Variants in TRPM2 observed in about 807,000 individuals in gnomAD.
TRPM2 encodes transient receptor potential cation channel subfamily M member 2, also known as estrogen-responsive element-associated gene 1 protein.
Under a neutral mutation model 174.0 loss-of-function variants are expected in TRPM2, and 161 were observed. The ratio of observed to expected loss-of-function variants is 0.93; its 90% CI spans 0.81 to 1.05. The LOEUF (loss-of-function observed/expected upper bound fraction) is 1.05, where lower values mean the gene tolerates loss of function less well. Among genes scored for constraint, TRPM2 ranks in the 50% least tolerant of loss-of-function variants. The pLI is 0.00. For missense variants in TRPM2, 2,057 were observed against 2,038.0 expected (o/e 1.01, Z -0.18); for synonymous variants, 954 against 861.3 (o/e 1.11, Z -1.88).
intron 31 of TRPM2, among the ~76,000 whole-genome samples, chr21:44,441,328 C>T (rs575298142): frequency 6.6e-6 from 1 of 152,294 alleles, no homozygotes; most frequent in Admixed American, 6.5e-5. Context: ...CTGGCAAGGC[C>T]CCCTCAGCCC....
chr21:44,387,595 A>G (rs555523777), intron 9 of TRPM2, among the ~76,000 whole-genome samples: 1 of 152,386 alleles, frequency 6.6e-6, no homozygotes, highest in African/African-American at 2.4e-5. Context: ...GATATTATCA[A>G]CAGAGTAAAA....
At chr21:44,413,815 G>C in intron 19 of TRPM2, 76 bp from the exon 20 acceptor site, 1 of 1,531,232 alleles carries the variant, frequency 6.5e-7, no homozygotes. Flanking sequence ...TGGAGGCCTC[G>C]AGGGCCCCCT....
Position 44,399,586 on chromosome 21 carries a change from C to A in TRPM2, c.2208+145C>A. 1 of 1,142,690 alleles carries A rather than the reference C, an allele frequency of 8.8e-7. No individual in the cohort carries two copies. Among genetic ancestry groups the A allele is most frequent in the Non-Finnish European group, 1.2e-6 (1 of 855,290 alleles). The allele number at this position is 1,142,690 out of a possible 1,614,324, so 70.8% of individuals were successfully genotyped here. On this transcript the variant is annotated intron_variant, in intron 14 of 31. Coordinates refer to ENST00000397928, the MANE Select transcript of TRPM2 (RefSeq NM_003307.4). This position sits in a 1 kb window ranked among gnomAD's most constrained non-coding sequence, Gnocchi z 4.6. ...CGGGGACAGCGCCTGACCCCTCGGC[C>A]ACCTGCTCCAGGCTCTGGCCTCCCA...
intron 19 of TRPM2, among the ~76,000 whole-genome samples, chr21:44,408,443 G>A (rs1393135618): frequency 6.6e-6 from 1 of 151,758 alleles, no homozygotes; most frequent in East Asian, 1.9e-4. Flanking sequence ...TGCCTGCCCA[G>A]TCCCAGGATT....
rs764764222 is a variant in TRPM2 at position 44,366,845 on chromosome 21, C to T, written c.515C>T (p.Ser172Leu). 1.1e-5 allele frequency: 17 copies of T among 1,613,762 alleles called. No homozygotes were observed. Among genetic ancestry groups the T allele is most frequent in the East Asian group, 2.2e-5 (1 of 44,864 alleles). ...WGLDVPNLLI[S>L]VTGGAKNFNM... ...CTGGACGTCCCCAATCTCTTGATCTCGGTGACCGGGGGGGCCAAGAACTTC... is the reference window on the plus strand; with the variant it reads ...CTGGACGTCCCCAATCTCTTGATCTTGGTGACCGGGGGGGCCAAGAACTTC... Residue 172 changes from serine (S) to leucine (L), a missense_variant, in exon 4 of 32, where the codon TCG becomes TTG. Coordinates refer to ENST00000397928, the MANE Select transcript of TRPM2 (RefSeq NM_003307.4). This position sits in a 1 kb window ranked among gnomAD's most constrained non-coding sequence, Gnocchi z 6.0.
chr21:44,370,270 G>A (rs934697616), intron 5 of TRPM2, among the ~76,000 whole-genome samples: 4 of 152,128 alleles, frequency 2.6e-5, no homozygotes, highest in Non-Finnish European at 4.4e-5. Context: ...TTAGCACTTT[G>A]AGTCCCTGTA....
chr21:44,367,971 A>G lies in TRPM2; in HGVS notation c.604+1037A>G, dbSNP rs1262326778. 1.3e-5 allele frequency among the ~76,000 whole-genome samples: 2 copies of G among 152,114 alleles called. No homozygotes were observed. Among genetic ancestry groups the G allele is most frequent in the Admixed American group, 1.3e-4 (2 of 15,278 alleles). ...TTTGCTGCCTCAAATAATGCCATGG[A>G]TTTGTTCAGGTCTCACCTGCTCCAG... On this transcript the variant is annotated intron_variant, in intron 4 of 31. Transcript: ENST00000397928. The surrounding 1 kb of genome is among the most constrained non-coding windows in gnomAD (Gnocchi z 4.6).
At chr21:44,400,403 G>A in intron 15 of TRPM2, 32 bp downstream of exon 15, 2 of 1,557,978 alleles carry the variant, frequency 1.3e-6, no homozygotes, top group Non-Finnish European at 1.7e-6. Context: ...GCGGGACTGT[G>A]GGGCTGCGGG....
At chr21:44,392,351 A>G (rs1381846636) in intron 11 of TRPM2, among the ~76,000 whole-genome samples, 1 of 151,410 alleles carries the variant, frequency 6.6e-6, no homozygotes, top group Non-Finnish European at 1.5e-5. Context: ...TCCACCTCCC[A>G]GGCTCAAGCA....
intron 2 of TRPM2, among the ~76,000 whole-genome samples, chr21:44,362,286 C>T (rs367660579): frequency 4.1e-5 from 6 of 146,966 alleles, no homozygotes; most frequent in South Asian, 2.1e-4. Context: ...GGGCGGATCA[C>T]GAGGTCAGGA....
intron 4 of TRPM2, among the ~76,000 whole-genome samples, chr21:44,368,081 T>C (rs1290652835): frequency 6.6e-6 from 1 of 152,252 alleles, no homozygotes; most frequent in African/African-American, 2.4e-5. Flanking sequence ...ACCTTTTCAA[T>C]TGTTATCTTT....
intron 6 of TRPM2, 151 bp from the exon 7 acceptor site, chr21:44,377,561 A>G (rs2146198776): frequency 9.5e-7 from 1 of 1,053,674 alleles, no homozygotes; most frequent in Non-Finnish European, 1.4e-6. Context: ...GGCTGGAGCC[A>G]GCAGGGGGCA....
chr21:44,440,667 C>T (rs2051465522), intron 30 of TRPM2, 122 bp from the exon 31 acceptor site: 5 of 836,584 alleles, frequency 6.0e-6, no homozygotes, highest in Non-Finnish European at 8.1e-6. Flanking sequence ...GAGAGCTGGG[C>T]CGGGGTCCTG....
rs1357966612 is a variant in TRPM2 at position 44,401,675 on chromosome 21, C to T, written c.2322-6C>T. The T allele has an allele frequency of 6.2e-7, 1 of 1,611,808 alleles. No homozygotes were observed. Among genetic ancestry groups the T allele is most frequent in the Non-Finnish European group, 8.5e-7 (1 of 1,179,830 alleles). On this transcript the variant is annotated splice_polypyrimidine_tract_variant and splice_region_variant and intron_variant, in intron 15 of 31. Transcript: ENST00000397928. ...CACTGTCTCCTCTCTGCTGTGACGG[C>T]CGCAGGGAGAAGAGGCTGCAGGATG...
At chr21:44,394,716 G>C (rs956254050) in intron 11 of TRPM2, among the ~76,000 whole-genome samples, 2 of 152,148 alleles carry the variant, frequency 1.3e-5, no homozygotes, top group African/African-American at 4.8e-5. Context: ...AAGGTCCAAA[G>C]CAGAAGCTCA....
intron 24 of TRPM2, 167 bp downstream of exon 24, chr21:44,425,106 C>T (rs955587779): frequency 3.2e-6 from 2 of 633,942 alleles, no homozygotes; most frequent in African/African-American, 3.7e-5. Flanking sequence ...CTCAGCCCAC[C>T]CACCGACGCT....
rs45513700 is a variant in TRPM2, at chr21:44,425,778, A to G, written c.3746A>G (p.Asn1249Ser). 763 of 1,595,988 alleles carry G rather than the reference A, an allele frequency of 4.8e-4. 5 individuals carry two copies. In the African/African-American group the frequency reaches 9.2e-3, roughly 19 times the overall value. ...AATGCCCGGCACCTCCTCTACCCCAACTGCCCTGTCACGCGCTTCCCCGTG... is the reference window on the plus strand; with the variant it reads ...AATGCCCGGCACCTCCTCTACCCCAGCTGCCCTGTCACGCGCTTCCCCGTG... ...HVNARHLLYP[N>S]CPVTRFPVPN... Residue 1249 changes from asparagine to serine, a missense_variant, in exon 25 of 32, where the codon AAC becomes AGC. Physicochemically the swap from Asn to Ser is conservative, Grantham distance 46 (BLOSUM62 1). Transcript: ENST00000397928.
rs2049577240 is a variant in TRPM2 at position 44,400,381 on chromosome 21, G to A, written c.2321+10G>A. The A allele has an allele frequency of 6.2e-7, 1 of 1,603,584 alleles. No homozygotes were observed. The highest frequency in any genetic ancestry group is 8.5e-7 in the Non-Finnish European group (1 of 1,176,272). ...GCCTCATCTCCTTCAGGTGCTGCAG[G>A]GCTGCGGGGCTGCGGGACTGTGGGG... On this transcript the variant is annotated intron_variant, in intron 15 of 31. Coordinates refer to ENST00000397928, the MANE Select transcript of TRPM2 (RefSeq NM_003307.4).
intron 5 of TRPM2, among the ~76,000 whole-genome samples, chr21:44,372,733 A>T (rs991015286): frequency 6.6e-6 from 1 of 152,164 alleles, no homozygotes; most frequent in Non-Finnish European, 1.5e-5. Flanking sequence ...GGGAGGAACG[A>T]AGGCATCACC....
Sources: allele counts gnomAD v4.1 joint callset (sites outside exome capture counted in the v4.1 genomes callset), GRCh38; gene constraint gnomAD v4.1.1; non-coding constraint Gnocchi (gnomAD v3.1); transcripts MANE v1.5; gene names NCBI Gene and HGNC (gene_info 2026-07-23, HGNC 2026-07-21).